The following PCYOX1 variants were observed in gnomAD, a reference collection of about 807,000 sequenced individuals.
The protein encoded by PCYOX1 is prenylcysteine oxidase 1, also known as prenylcysteine lyase.
In PCYOX1, 46 loss-of-function variants were observed where a neutral mutation model predicts 46.4. The ratio of observed to expected loss-of-function variants is 0.99; its 90% CI spans 0.78 to 1.27. The LOEUF is 1.27. Ranked by LOEUF, PCYOX1 falls within the 50% of genes most tolerant of loss-of-function variation. PCYOX1 has a pLI of 0.00. For synonymous variants in PCYOX1, 220 were observed against 231.8 expected, an observed-to-expected ratio of 0.95 and a Z score of 0.46; for missense variants, 658 against 628.3, an observed-to-expected ratio of 1.05 and a Z score of -0.51.
chr2:70,276,825 G>A lies in PCYOX1; in HGVS notation c.951G>A (p.Leu317=). ...FYDIVLVATP[L]NRKMSNITFL... Reference sequence around the variant, plus strand: ...ACATCGTCTTGGTGGCCACTCCGTTGAATCGAAAAATGTCGAATATTACTT... The same window carrying A: ...ACATCGTCTTGGTGGCCACTCCGTTAAATCGAAAAATGTCGAATATTACTT... Residue 317 remains leucine, a synonymous_variant, in exon 6 of 6, where the codon TTG becomes TTA. Transcript: ENST00000433351. The A allele has an allele frequency of 1.2e-6, 2 of 1,613,560 alleles. No individual in the cohort carries two copies. The highest frequency in any genetic ancestry group is 8.5e-7 in the Non-Finnish European group (1 of 1,179,566).
chr2:70,277,073 A>T lies in PCYOX1; in HGVS notation c.1199A>T (p.Asp400Val). Residue 400 changes from aspartate (D) to valine (V), a missense_variant, in exon 6 of 6, where the codon GAT becomes GTT. Coordinates refer to ENST00000433351, the MANE Select transcript of PCYOX1 (RefSeq NM_016297.4). ...REKEDPEPSTDGTYVWKIFSQ... is the reference protein window; with the variant it reads ...REKEDPEPSTVGTYVWKIFSQ... ...AAGGAAGATCCTGAGCCATCAACAG[A>T]TGGAACATATGTTTGGAAGATCTTT... 1 of 1,613,850 alleles carries T rather than the reference A, an allele frequency of 6.2e-7. No individual in the cohort carries two copies. Among genetic ancestry groups the T allele is most frequent in the Non-Finnish European group, 8.5e-7 (1 of 1,179,692 alleles).
At chr2:70,273,877 A>T (rs1696633076) in intron 3 of PCYOX1, among the ~76,000 whole-genome samples, 1 of 152,228 alleles carries the variant, frequency 6.6e-6, no homozygotes, top group African/African-American at 2.4e-5. Context: ...ATTGGTGCTA[A>T]GTTTTATGAG....
At chr2:70,268,250 T>C (rs1212879790) in intron 3 of PCYOX1, among the ~76,000 whole-genome samples, 1 of 152,168 alleles carries the variant, frequency 6.6e-6, no homozygotes, top group Non-Finnish European at 1.5e-5. Flanking sequence ...AAGTAGTTCT[T>C]TAAAATCTAA....
Position 70,261,266 on chromosome 2 carries a change from C to T in PCYOX1, c.374C>T (p.Thr125Ile). The T allele has an allele frequency of 6.2e-7, 1 of 1,611,048 alleles. No individual in the cohort carries two copies. The highest frequency in any genetic ancestry group is 2.2e-5 in the East Asian group (1 of 44,876). ...CTACTGGGGATATATAATGGAGAGA[C>T]TCTGGTATTTGAGGAGAGCAACTGG... ...GGLLGIYNGE[T>I]LVFEESNWFI... Residue 125 changes from threonine (T) to isoleucine (I), a missense_variant, in exon 3 of 6, where the codon ACT becomes ATT. Thr to Ile is a moderately conservative substitution (Grantham distance 89). Coordinates refer to ENST00000433351, the MANE Select transcript of PCYOX1 (RefSeq NM_016297.4).
intron 3 of PCYOX1, among the ~76,000 whole-genome samples, chr2:70,269,895 C>T (rs1045748796): frequency 2.0e-5 from 3 of 152,212 alleles, no homozygotes; most frequent in Admixed American, 6.6e-5. Flanking sequence ...GAGCTACAAA[C>T]TCGTTGTGTT....
chr2:70,262,005 C>T (rs1290589021), intron 3 of PCYOX1, among the ~76,000 whole-genome samples: 1 of 152,094 alleles, frequency 6.6e-6, no homozygotes, highest in East Asian at 1.9e-4. Context: ...TCAGGTGCCT[C>T]TTTTTCGTCC....
upstream of PCYOX1, chr2:70,258,117 G>A (rs368238809): frequency 4.2e-6 from 6 of 1,438,998 alleles, no homozygotes; most frequent in African/African-American, 1.5e-5. Context: ...GCGCAGCGGT[G>A]GGAGGACTGC....
At chr2:70,270,035 C>G (rs1307235417) in intron 3 of PCYOX1, among the ~76,000 whole-genome samples, 1 of 152,004 alleles carries the variant, frequency 6.6e-6, no homozygotes, top group East Asian at 1.9e-4. Flanking sequence ...CCTCTTGTCG[C>G]CCAGGCTGGA....
chr2:70,264,380 G>A (rs1389047882), intron 3 of PCYOX1, among the ~76,000 whole-genome samples: 1 of 151,434 alleles, frequency 6.6e-6, no homozygotes, highest in Non-Finnish European at 1.5e-5. Context: ...AGGCTGGAGT[G>A]CAGTGGTGCA....
At chr2:70,258,012 C>T (rs1241553945), upstream of PCYOX1, 8 of 526,026 alleles carry the variant, frequency 1.5e-5, no homozygotes, top group South Asian at 2.8e-5. Context: ...GTTGAGAGGA[C>T]CGGCGGGGCG....
At chr2:70,261,688 T>C (rs1317044593) in intron 3 of PCYOX1, among the ~76,000 whole-genome samples, 1 of 152,212 alleles carries the variant, frequency 6.6e-6, no homozygotes, top group African/African-American at 2.4e-5. Flanking sequence ...TTTTAGCTTC[T>C]TTAAACAGAT....
intron 1 of PCYOX1, among the ~76,000 whole-genome samples, chr2:70,258,728 C>T (rs1559032767): frequency 1.3e-5 from 2 of 152,246 alleles, no homozygotes; most frequent in Non-Finnish European, 2.9e-5. Context: ...ACCCTGCCTG[C>T]TTCCCTTGGG....
At chr2:70,259,925 C>G (rs983424716) in intron 2 of PCYOX1, among the ~76,000 whole-genome samples, 2 of 152,128 alleles carry the variant, frequency 1.3e-5, no homozygotes, top group African/African-American at 4.8e-5. Context: ...AAGCGATTCT[C>G]CTGCCTTAGC....
chr2:70,258,491 A>G, intron 1 of PCYOX1: 1 of 276,296 alleles, frequency 3.6e-6, no homozygotes, highest in South Asian at 4.0e-5. Context: ...AGAGGTGCCC[A>G]CTTGAGGAAT....
At position 70,258,139 on chromosome 2, in the gene PCYOX1, G is replaced by A. The variant is rs1468268701; in HGVS notation, c.-26G>A. ...GGTGGGAGGACTGCGGGGCTCTTGA[G>A]GCCAGCTGCAGAGCTTGTGGAGGCC... is the stretch of plus-strand genomic sequence containing the variant. On this transcript the variant is annotated 5_prime_UTR_variant, in exon 1 of 6. Coordinates refer to ENST00000433351, the MANE Select transcript of PCYOX1 (RefSeq NM_016297.4). 1.3e-6 allele frequency: 2 copies of A among 1,561,856 alleles called. No homozygotes were observed. Among genetic ancestry groups the A allele is most frequent in the African/African-American group, 1.4e-5 (1 of 71,392 alleles).
chr2:70,277,116 T>A lies in PCYOX1; in HGVS notation c.1242T>A (p.Thr414=), dbSNP rs756943594. The A allele has an allele frequency of 6.2e-7, 1 of 1,614,240 alleles. No homozygotes were observed. Among genetic ancestry groups the A allele is most frequent in the Non-Finnish European group, 8.5e-7 (1 of 1,180,028 alleles). The change falls in exon 6 of 6, where the codon ACT becomes ACA. Residue 414 remains threonine, a synonymous_variant. Coordinates refer to ENST00000433351, the MANE Select transcript of PCYOX1 (RefSeq NM_016297.4). ...VWKIFSQETL[T]KAQILKLFLS... ...AGATCTTTTCCCAAGAAACTCTTACTAAAGCACAAATTTTAAAGCTCTTTC... is the reference window on the plus strand; with the variant it reads ...AGATCTTTTCCCAAGAAACTCTTACAAAAGCACAAATTTTAAAGCTCTTTC...
At chr2:70,259,674 C>A in intron 2 of PCYOX1, 108 bp downstream of exon 2, 1 of 833,220 alleles carries the variant, frequency 1.2e-6, no homozygotes, top group Non-Finnish European at 2.0e-6. Context: ...CTTACAGAGA[C>A]GTTGGTAAAA....
chr2:70,277,557 T>C lies in PCYOX1; in HGVS notation c.*165T>C, dbSNP rs866729591. The C allele has an allele frequency of 2.4e-5, 15 of 615,450 alleles. No homozygotes were observed. In the Middle Eastern group the frequency reaches 1.9e-3, roughly 80 times the overall value. The allele number at this position is 615,450 out of a possible 1,614,324, so 38.1% of individuals were successfully genotyped here. Reference sequence around the variant, plus strand: ...GAAAACACACGGTTCTAATTAAGTGTGAAGGTATAGCTATTGCACTTATGC... The same window carrying C: ...GAAAACACACGGTTCTAATTAAGTGCGAAGGTATAGCTATTGCACTTATGC... On this transcript the variant is annotated 3_prime_UTR_variant, in exon 6 of 6. Coordinates refer to ENST00000433351, the MANE Select transcript of PCYOX1 (RefSeq NM_016297.4).
chr2:70,263,372 G>T (rs1472777825), intron 3 of PCYOX1, among the ~76,000 whole-genome samples: 1 of 152,100 alleles, frequency 6.6e-6, no homozygotes, highest in African/African-American at 2.4e-5. Flanking sequence ...TCCATCTACA[G>T]TGCATAATGT....
Sources: gnomAD v4.1 joint callset for allele counts (sites outside exome capture counted in the v4.1 genomes callset) on GRCh38, gnomAD v4.1.1 for gene constraint, MANE v1.5 for transcripts, NCBI Gene and HGNC (gene_info 2026-07-23, HGNC 2026-07-21) for gene names.